Variants in RALGPS1 observed in about 807,000 individuals in gnomAD.
The protein encoded by RALGPS1 is Ral GEF with PH domain and SH3 binding motif 1, also known as ras-specific guanine nucleotide-releasing factor RalGPS1.
Under a neutral mutation model 78.8 loss-of-function variants are expected in RALGPS1, and 19 were observed. The observed-to-expected ratio is 0.24, with a 90% CI of 0.17 to 0.35. The LOEUF is 0.35. Ranked by LOEUF, RALGPS1 falls within the 10% of genes least tolerant of loss-of-function variation. RALGPS1 has a pLI of 1.00. For missense variants in RALGPS1, 454 were observed against 688.3 expected (o/e 0.66, Z 3.81); for synonymous variants, 228 against 256.3 (o/e 0.89, Z 1.06).
At position 127,009,054 on chromosome 9, in the gene RALGPS1, C is replaced by G. The variant is rs184280220; in HGVS notation, c.217-25377C>G. On this transcript the variant is annotated intron_variant, in intron 4 of 18. Coordinates refer to ENST00000259351, the MANE Select transcript of RALGPS1 (RefSeq NM_014636.3). ...AGAGGCTTATTTTTGTCACATATACCATTTTTCACTGCACCACAGTGATGT... is the reference window on the plus strand; with the variant it reads ...AGAGGCTTATTTTTGTCACATATACGATTTTTCACTGCACCACAGTGATGT... 3.7e-3 allele frequency among the ~76,000 whole-genome samples: 565 copies of G among 152,294 alleles called. 2 individuals carry two copies. Among genetic ancestry groups the G allele is most frequent in the African/African-American group, 0.013 (532 of 41,548 alleles).
intron 1 of RALGPS1, among the ~76,000 whole-genome samples, chr9:126,925,706 T>TA (rs567133671): frequency 5.3e-5 from 8 of 150,114 alleles, no homozygotes; most frequent in East Asian, 1.9e-4. Flanking sequence ...CCCTATCTCT[T>TA]AAAAAAAAAA....
chr9:127,149,210 G>A (rs1012912525), intron 8 of RALGPS1, among the ~76,000 whole-genome samples: 1 of 152,254 alleles, frequency 6.6e-6, no homozygotes, highest in African/African-American at 2.4e-5. Context: ...TGGTCCTGGA[G>A]CAGCTGCTGC....
chr9:127,208,556 G>A (rs906880237), intron 14 of RALGPS1, among the ~76,000 whole-genome samples: 1 of 152,130 alleles, frequency 6.6e-6, no homozygotes, highest in African/African-American at 2.4e-5. Flanking sequence ...GGACGGTAAG[G>A]GTGCTTTACA....
At chr9:127,159,883 A>C (rs1010037277) in intron 8 of RALGPS1, among the ~76,000 whole-genome samples, 3 of 152,260 alleles carry the variant, frequency 2.0e-5, no homozygotes, top group Non-Finnish European at 4.4e-5. Context: ...AAGGCAGAGC[A>C]GGAGAACATG....
chr9:126,977,875 C>T, intron 4 of RALGPS1, 130 bp downstream of exon 4: 1 of 621,718 alleles, frequency 1.6e-6, no homozygotes, highest in Non-Finnish European at 2.8e-6. Flanking sequence ...ATTTAAACCC[C>T]ATTCTATTCT....
intron 11 of RALGPS1, among the ~76,000 whole-genome samples, chr9:127,193,221 G>A (rs2061170572): frequency 6.6e-6 from 1 of 152,200 alleles, no homozygotes; most frequent in Admixed American, 6.5e-5. Context: ...GAATGGAGGT[G>A]TGCATGGCCA....
intron 8 of RALGPS1, chr9:127,108,679 C>T: frequency 6.2e-7 from 1 of 1,613,408 alleles, no homozygotes; most frequent in Non-Finnish European, 8.5e-7. Flanking sequence ...TGCAACAGCT[C>T]CCATGGCAGC....
At chr9:127,093,593 A>G (rs1255289913) in intron 8 of RALGPS1, 14 of 990,000 alleles carry the variant, frequency 1.4e-5, no homozygotes, top group South Asian at 3.2e-5. Context: ...CGCCTCAGGT[A>G]TATGTGTTGT....
At chr9:126,935,378 C>A (rs1381370635) in intron 1 of RALGPS1, among the ~76,000 whole-genome samples, 5 of 152,204 alleles carry the variant, frequency 3.3e-5, no homozygotes, top group Admixed American at 3.3e-4. Context: ...AGGTCTTGAG[C>A]TAACCAGAGA....
intron 11 of RALGPS1, 96 bp downstream of exon 11, chr9:127,174,878 G>A: frequency 3.6e-6 from 4 of 1,102,362 alleles, no homozygotes; most frequent in Non-Finnish European, 5.5e-6. Flanking sequence ...GGCAAATCAA[G>A]TTTGCAGCTT....
intron 8 of RALGPS1, chr9:127,107,235 A>T (rs1378469194): frequency 1.3e-5 from 2 of 152,234 alleles, no homozygotes; most frequent in Non-Finnish European, 2.9e-5. Flanking sequence ...TTAATTATGT[A>T]ACATACATGG....
At chr9:127,141,608 T>C (rs1180730869) in intron 8 of RALGPS1, among the ~76,000 whole-genome samples, 2 of 140,342 alleles carry the variant, frequency 1.4e-5, no homozygotes, top group Non-Finnish European at 3.1e-5. Flanking sequence ...CCAATATTTT[T>C]TTAATGGCAA....
rs768880635 is a variant in RALGPS1, at chr9:127,132,349, C to G, written c.611-33720C>G. Among the ~76,000 whole-genome samples, 31 of 152,192 alleles carry G rather than the reference C, an allele frequency of 2.0e-4. 1 individual carries two copies. Among genetic ancestry groups the G allele is most frequent in the South Asian group, 4.1e-4 (2 of 4,832 alleles). On this transcript the variant is annotated intron_variant, in intron 8 of 18. Transcript: ENST00000259351. ...TAAAGGGTACGTTAAAAAAAGGTTC[C>G]TATAAATCGTCTTGCAGAAATTACT...
chr9:127,003,831 G>T (rs2043579493), intron 4 of RALGPS1, among the ~76,000 whole-genome samples: 1 of 152,158 alleles, frequency 6.6e-6, no homozygotes, highest in Non-Finnish European at 1.5e-5. Context: ...GGTAAAAAGT[G>T]ACTGTATCAT....
intron 14 of RALGPS1, among the ~76,000 whole-genome samples, chr9:127,201,027 A>G (rs896564922): frequency 2.0e-5 from 3 of 152,224 alleles, no homozygotes; most frequent in Non-Finnish European, 4.4e-5. Flanking sequence ...TGTAGCAGAT[A>G]TAGTTCCTGC....
chr9:127,002,248 C>T (rs2043379203), intron 4 of RALGPS1, among the ~76,000 whole-genome samples: 1 of 152,108 alleles, frequency 6.6e-6, no homozygotes, highest in African/African-American at 2.4e-5. Flanking sequence ...GCTTCTTTCA[C>T]TTAACATTAT....
chr9:127,009,592 T>C (rs1536705), intron 4 of RALGPS1, among the ~76,000 whole-genome samples: 57,377 of 152,082 alleles, frequency 0.38, 12,645 homozygotes, highest in Non-Finnish European at 0.48. Flanking sequence ...TGAAATCTAC[T>C]GAAGGGGTTG....
At chr9:127,018,503 G>A (rs192371861) in intron 4 of RALGPS1, among the ~76,000 whole-genome samples, 37 of 151,780 alleles carry the variant, frequency 2.4e-4, no homozygotes, top group Non-Finnish European at 4.7e-4. Flanking sequence ...GCGTGGTGGC[G>A]CGTACCTGGA....
chr9:127,090,543 C>T (rs1324070858), intron 8 of RALGPS1, among the ~76,000 whole-genome samples: 1 of 152,226 alleles, frequency 6.6e-6, no homozygotes, highest in African/African-American at 2.4e-5. Flanking sequence ...GGGAGAATTA[C>T]CCTTCAGAAT....
Sources: allele counts gnomAD v4.1 joint callset (sites outside exome capture counted in the v4.1 genomes callset), GRCh38; gene constraint gnomAD v4.1.1; transcripts MANE v1.5; gene names NCBI Gene and HGNC (gene_info 2026-07-23, HGNC 2026-07-21).